The following PAPSS1 variants were observed in gnomAD, a reference collection of about 807,000 sequenced individuals.
PAPSS1 encodes the protein 3'-phosphoadenosine 5'-phosphosulfate synthase 1.
In PAPSS1, 50 loss-of-function variants were observed where a neutral mutation model predicts 72.0. The observed-to-expected ratio is 0.69, with a 90% CI of 0.55 to 0.88. The LOEUF is 0.88. Ranked by LOEUF, PAPSS1 falls within the 40% of genes least tolerant of loss-of-function variation. PAPSS1 has a pLI of 0.00. For missense variants in PAPSS1, 657 were observed against 782.2 expected (o/e 0.84, Z 1.91); for synonymous variants, 261 against 263.6 (o/e 0.99, Z 0.09).
intron 1 of PAPSS1, among the ~76,000 whole-genome samples, chr4:107,704,880 G>A (rs1010668039): frequency 1.3e-5 from 2 of 152,094 alleles, no homozygotes; most frequent in Admixed American, 6.5e-5. Flanking sequence ...GAACCCAGGA[G>A]GCGGAGGTTG....
chr4:107,670,316 C>T (rs949872825), intron 5 of PAPSS1, among the ~76,000 whole-genome samples: 3 of 152,020 alleles, frequency 2.0e-5, no homozygotes, highest in African/African-American at 7.2e-5. Flanking sequence ...CAAGGAAGAG[C>T]AATTAGCATA....
At position 107,631,620 on chromosome 4, in the gene PAPSS1, G is replaced by T. The variant is rs768629317; in HGVS notation, c.1736+11C>A. ...TACTTCAAAGATTTGTACAGAGAAT[G>T]TAAGACTTACTGTTCAGAGTCATAG... On this transcript the variant is annotated intron_variant, in intron 11 of 11. Coordinates refer to ENST00000265174, the MANE Select transcript of PAPSS1 (RefSeq NM_005443.5). 3 of 1,577,972 alleles carry T rather than the reference G, an allele frequency of 1.9e-6. No homozygotes were observed. The highest frequency in any genetic ancestry group is 2.6e-6 in the Non-Finnish European group (3 of 1,148,056).
intron 10 of PAPSS1, among the ~76,000 whole-genome samples, chr4:107,635,119 GT>G (rs1472746541): frequency 6.6e-6 from 1 of 151,968 alleles, no homozygotes; most frequent in Non-Finnish European, 1.5e-5. Context: ...TATTTTTAAA[GT>G]TTTTTCTAAA....
chr4:107,701,889 T>C (rs940313542), intron 1 of PAPSS1, among the ~76,000 whole-genome samples: 1 of 151,532 alleles, frequency 6.6e-6, no homozygotes, highest in South Asian at 2.1e-4. Context: ...GTGAAAGAGA[T>C]GCCTATGGGT....
chr4:107,704,810 G>A (rs1723294335), intron 1 of PAPSS1, among the ~76,000 whole-genome samples: 1 of 152,110 alleles, frequency 6.6e-6, no homozygotes, highest in Non-Finnish European at 1.5e-5. Context: ...AATTAGCCGG[G>A]AATGGTGGCA....
rs1232699452 is a variant in PAPSS1, at chr4:107,701,298, G to T, written c.61-13C>A. On this transcript the variant is annotated splice_polypyrimidine_tract_variant and intron_variant, in intron 1 of 11. Transcript: ENST00000265174. ...CTCTCTGCATTCCCTAGAAAAAAAA[G>T]AAAAAAAAAATTCTAGTTTACATGA... The T allele has an allele frequency of 7.0e-7, 1 of 1,418,608 alleles. No homozygotes were observed. The highest frequency in any genetic ancestry group is 2.5e-5 in the East Asian group (1 of 40,408). 87.9% of individuals were successfully genotyped at this position (1,418,608 alleles called of 1,614,324 possible).
chr4:107,652,134 A>G (rs1207108082), intron 9 of PAPSS1, among the ~76,000 whole-genome samples: 1 of 152,176 alleles, frequency 6.6e-6, no homozygotes, highest in Non-Finnish European at 1.5e-5. Context: ...ATATACCCCA[A>G]AAAGGCAAAC....
chr4:107,688,641 C>G lies in PAPSS1; in HGVS notation c.412-1464G>C, dbSNP rs140187620. 6.6e-3 allele frequency among the ~76,000 whole-genome samples: 1,005 copies of G among 152,180 alleles called. 10 individuals carry two copies. The highest frequency in any genetic ancestry group is 0.023 in the African/African-American group (941 of 41,498). ...TCCTCCTGGGCTCCTCCTATTTCACCCATCCCTTAACACTGGAGTTGCCCA... is the reference window on the plus strand; with the variant it reads ...TCCTCCTGGGCTCCTCCTATTTCACGCATCCCTTAACACTGGAGTTGCCCA... On this transcript the variant is annotated intron_variant, in intron 3 of 11. Transcript: ENST00000265174.
chr4:107,620,218 C>T (rs529560795), intron 11 of PAPSS1, among the ~76,000 whole-genome samples: 71 of 152,194 alleles, frequency 4.7e-4, no homozygotes, highest in Middle Eastern at 3.4e-3. Flanking sequence ...TTTGATAGGA[C>T]GAAAAATAAT....
At chr4:107,701,022 G>A (rs1486574861) in intron 2 of PAPSS1, 149 bp downstream of exon 2, 1 of 416,106 alleles carries the variant, frequency 2.4e-6, no homozygotes, top group East Asian at 3.7e-5. Flanking sequence ...AAAATAACAA[G>A]AAATATTATT....
chr4:107,620,388 C>T (rs907409212), intron 11 of PAPSS1, among the ~76,000 whole-genome samples: 10 of 152,168 alleles, frequency 6.6e-5, no homozygotes, highest in Admixed American at 6.5e-4. Context: ...AATTTAAGCA[C>T]TGTTTGACAT....
intron 5 of PAPSS1, among the ~76,000 whole-genome samples, chr4:107,675,954 T>G (rs1388120731): frequency 6.6e-6 from 1 of 152,188 alleles, no homozygotes; most frequent in Non-Finnish European, 1.5e-5. Context: ...TCTCAAGAGA[T>G]GCAGAAAAGG....
At chr4:107,670,992 G>A (rs1165328852) in intron 5 of PAPSS1, among the ~76,000 whole-genome samples, 1 of 152,182 alleles carries the variant, frequency 6.6e-6, no homozygotes, top group East Asian at 1.9e-4. Flanking sequence ...TGGAGTTGTG[G>A]TAACCAGTTA....
chr4:107,693,012 A>C (rs1722975533), intron 3 of PAPSS1, among the ~76,000 whole-genome samples: 1 of 152,132 alleles, frequency 6.6e-6, no homozygotes, highest in African/African-American at 2.4e-5. Flanking sequence ...GGGAGGGAGA[A>C]CATCAGGAAG....
rs770268576 is a variant in PAPSS1 at position 107,644,873 on chromosome 4, C to T, written c.1435G>A (p.Gly479Arg). The T allele has an allele frequency of 1.2e-6, 2 of 1,613,940 alleles. No homozygotes were observed. The highest frequency in any genetic ancestry group is 2.2e-5 in the South Asian group (2 of 91,060). ...ACTGTCGTCTCAGGATTCAGAACTC[C>T]TTCCTCCAACACTGCAGCATGCTGC... ...MKQHAAVLEE[G>R]VLNPETTVVA... The change falls in exon 10 of 12, where the codon GGA (glycine) becomes AGA (arginine). Residue 479 changes from glycine to arginine, a missense_variant. Around this residue, in one of 7 missense-constraint regions of PAPSS1, gnomAD observed 166 missense variants for 228.3 expected, o/e 0.73. Coordinates refer to ENST00000265174, the MANE Select transcript of PAPSS1 (RefSeq NM_005443.5).
At chr4:107,705,382 A>G (rs1185239325) in intron 1 of PAPSS1, among the ~76,000 whole-genome samples, 1 of 152,188 alleles carries the variant, frequency 6.6e-6, no homozygotes, top group Non-Finnish European at 1.5e-5. Context: ...AAGATTTGAT[A>G]GTTCCAAAGT....
intron 3 of PAPSS1, among the ~76,000 whole-genome samples, chr4:107,693,511 T>A (rs1252369144): frequency 6.6e-6 from 1 of 152,214 alleles, no homozygotes; most frequent in Non-Finnish European, 1.5e-5. Flanking sequence ...AATTTGGCCA[T>A]TGGCTTAAAT....
At chr4:107,663,240 C>T (rs951779421) in intron 5 of PAPSS1, among the ~76,000 whole-genome samples, 5 of 151,962 alleles carry the variant, frequency 3.3e-5, no homozygotes, top group Admixed American at 2.6e-4. Flanking sequence ...GTCTATAGGT[C>T]AGTTATTTCC....
chr4:107,701,211 C>T lies in PAPSS1; in HGVS notation c.135G>A (p.Gly45=), dbSNP rs1723196451. The change falls in exon 2 of 12, where the codon GGG becomes GGA. Residue 45 remains glycine, a synonymous_variant. Transcript: ENST00000265174. ...TGCAACCACGAAAGCCACCTCTGGT[C>T]CCCACCACCTGACCTCTCTTGTTCC... The part of the protein sequence containing the change: ...VSRNKRGQVV[G]TRGGFRGCTV... 6.2e-7 allele frequency: 1 copy of T among 1,613,682 alleles called. No individual in the cohort carries two copies. The highest frequency in any genetic ancestry group is 1.3e-5 in the African/African-American group (1 of 74,864).
Sources: gnomAD v4.1 joint callset for allele counts (sites outside exome capture counted in the v4.1 genomes callset) on GRCh38, gnomAD v4.1.1 for gene constraint, gnomAD v4.1.1 regional missense constraint, MANE v1.5 for transcripts, NCBI Gene and HGNC (gene_info 2026-07-23, HGNC 2026-07-21) for gene names.